Variants in DLEC1 observed in about 807,000 individuals in gnomAD.
The protein encoded by DLEC1 is DLEC1 cilia and flagella associated protein, also known as deleted in lung and esophageal cancer protein 1.
DLEC1 carries 146 observed loss-of-function variants against 198.1 expected under a neutral mutation model. The ratio of observed to expected loss-of-function variants is 0.74; its 90% confidence interval spans 0.64 to 0.85. The LOEUF is 0.85. DLEC1 is among the 40% of genes least tolerant of loss of function. The pLI is 0.00. For missense variants in DLEC1, 2,233 were observed against 2,220.0 expected, an observed-to-expected ratio of 1.01 and a Z score of -0.12; for synonymous variants, 897 against 866.8, an observed-to-expected ratio of 1.03 and a Z score of -0.61.
At chr3:38,067,213 G>A (rs888381438) in intron 6 of DLEC1, among the ~76,000 whole-genome samples, 3 of 152,294 alleles carry the variant, frequency 2.0e-5, no homozygotes, top group East Asian at 1.9e-4. Flanking sequence ...ACTATAAAGT[G>A]TAAGGATAAA....
chr3:38,084,589 A>T (rs953210984), intron 7 of DLEC1, among the ~76,000 whole-genome samples: 1 of 9,362 alleles, frequency 1.1e-4, no homozygotes, highest in African/African-American at 6.6e-4. Flanking sequence ...GGGGGGTGGT[A>T]GTAGTAGTAG....
intron 19 of DLEC1, among the ~76,000 whole-genome samples, chr3:38,106,798 A>AT (rs1311175063): frequency 6.6e-6 from 1 of 151,772 alleles, no homozygotes; most frequent in East Asian, 1.9e-4. Flanking sequence ...AACTAATTGA[A>AT]TTAGGCCCAT....
intron 2 of DLEC1, among the ~76,000 whole-genome samples, chr3:38,058,578 GTAAT>G (rs1696507170): frequency 6.6e-6 from 1 of 152,116 alleles, no homozygotes. Context: ...TTTTATCAAA[GTAAT>G]AAATATATAT....
chr3:38,114,963 T>A lies in DLEC1; in HGVS notation c.3786-20T>A, dbSNP rs2125737351. On this transcript the variant is annotated intron_variant, in intron 26 of 36. Transcript: ENST00000308059. ...GTACGCTGGCTGTGGCTGTACTGAG[T>A]CCAGTCTGTCCCCCTCCAGGTTCGG... is the stretch of plus-strand genomic sequence containing the variant. 6.2e-7 allele frequency: 1 copy of A among 1,611,282 alleles called. No homozygotes were observed. Among genetic ancestry groups the A allele is most frequent in the East Asian group, 2.2e-5 (1 of 44,822 alleles).
intron 2 of DLEC1, among the ~76,000 whole-genome samples, chr3:38,050,334 A>G (rs1307652673): frequency 1.3e-5 from 2 of 152,180 alleles, no homozygotes; most frequent in Non-Finnish European, 2.9e-5. Context: ...CTACTGGCTG[A>G]AGTTGTTAAT....
chr3:38,080,802 C>CTTT lies in DLEC1; in HGVS notation c.1174-3338_1174-3336dup, dbSNP rs76282097. On this transcript the variant is annotated intron_variant, in intron 6 of 36. Coordinates refer to ENST00000308059, the MANE Select transcript of DLEC1 (RefSeq NM_007335.4). ...CACGGAGGGAAGGGGTTCGGGTGTT[C>CTTT]TTTTTTTTTTTTTTTTTTTTAATTT... Among the ~76,000 whole-genome samples, 359 of 112,762 alleles carry CTTT rather than the reference C, an allele frequency of 3.2e-3. 2 individuals carry two copies. Among genetic ancestry groups the CTTT allele is most frequent in the African/African-American group, 9.9e-3 (290 of 29,370 alleles). The allele number at this position is 112,762 out of a possible 152,430, so 74.0% of individuals were successfully genotyped here. A position where few individuals can be genotyped will look rare whatever the true frequency, so the allele number is the denominator to read the frequency against.
intron 26 of DLEC1, among the ~76,000 whole-genome samples, chr3:38,114,661 G>T (rs1700056382): frequency 6.6e-6 from 1 of 152,112 alleles, no homozygotes; most frequent in Non-Finnish European, 1.5e-5. Context: ...CATCTCTGAG[G>T]GATTTTGTGG....
intron 17 of DLEC1, 22 bp downstream of exon 17, chr3:38,097,659 A>G: frequency 1.9e-6 from 3 of 1,614,134 alleles, no homozygotes; most frequent in Non-Finnish European, 1.7e-6. Flanking sequence ...GGAGCTGGGC[A>G]GTGGGGTGGG....
At chr3:38,107,498 T>C (rs1164566969) in intron 19 of DLEC1, 86 bp from the exon 20 acceptor site, 1 of 1,364,552 alleles carries the variant, frequency 7.3e-7, no homozygotes, top group African/African-American at 1.5e-5. Flanking sequence ...TGGGATTTTC[T>C]ACATAGACTG....
At position 38,039,646 on chromosome 3, in the gene DLEC1, C is replaced by A. The variant is rs376829865; in HGVS notation, c.411+10C>A. On this transcript the variant is annotated intron_variant, in intron 1 of 36. Coordinates refer to ENST00000308059, the MANE Select transcript of DLEC1 (RefSeq NM_007335.4). ...GGACCAGCTGCAGCAGGTAACGTGG[C>A]GGTGGCGTCGCGTCTGCGGACGGTG... 18 of 1,587,110 alleles carry A rather than the reference C, an allele frequency of 1.1e-5. No homozygotes were observed. The highest frequency in any genetic ancestry group is 3.4e-4 in the Middle Eastern group (2 of 5,934).
Position 38,122,546 on chromosome 3 carries a change from A to G in DLEC1, c.*134A>G, listed in dbSNP as rs1225642052. ...TCTGGGCAGCTCCTGGAATGGAAGA[A>G]CCCCCTTCCACAATGGTCTCAGCCT... On this transcript the variant is annotated 3_prime_UTR_variant, in exon 37 of 37. Transcript: ENST00000308059. 1.7e-5 allele frequency: 27 copies of G among 1,609,172 alleles called. No individual in the cohort carries two copies. The highest frequency in any genetic ancestry group is 2.2e-5 in the Non-Finnish European group (26 of 1,178,866).
At chr3:38,109,372 T>A in intron 21 of DLEC1, 60 bp from the exon 22 acceptor site, 1 of 1,604,438 alleles carries the variant, frequency 6.2e-7, no homozygotes, top group Non-Finnish European at 8.5e-7. Context: ...CGGAAGACCA[T>A]CTGGGCTCAT....
chr3:38,110,937 C>G (rs1559457820), intron 23 of DLEC1, among the ~76,000 whole-genome samples: 1 of 151,942 alleles, frequency 6.6e-6, no homozygotes. Context: ...TGCACACACA[C>G]ATATACATAA....
chr3:38,069,163 A>G (rs1001091352), intron 6 of DLEC1, among the ~76,000 whole-genome samples: 1 of 152,168 alleles, frequency 6.6e-6, no homozygotes, highest in Non-Finnish European at 1.5e-5. Flanking sequence ...AGAGGGCAGT[A>G]TTCTATTTTC....
rs775558337 is a variant in DLEC1, at chr3:38,116,839, CAT to C, written c.4130_4131del (p.His1377ArgfsTer38). 5 of 1,613,740 alleles carry C rather than the reference CAT, an allele frequency of 3.1e-6. No individual in the cohort carries two copies. Among genetic ancestry groups the C allele is most frequent in the Non-Finnish European group, 4.2e-6 (5 of 1,179,908 alleles). ...GCTCATCTCAGTCATCCTGCAGGCACATGAGGGGGTGCCCTCCGGCCACCTGT... is the reference window on the plus strand; with the variant it reads ...GCTCATCTCAGTCATCCTGCAGGCACGAGGGGGTGCCCTCCGGCCACCTGT... ...QKLISVILQA[H>X]EGVPSGHLYC... is the part of the protein sequence containing the mutation. On this transcript the variant is annotated frameshift_variant, in exon 29 of 37. Transcript: ENST00000308059. LOFTEE classifies it high-confidence loss of function.
intron 5 of DLEC1, among the ~76,000 whole-genome samples, chr3:38,063,513 G>T (rs1257495647): frequency 6.6e-6 from 1 of 151,894 alleles, no homozygotes; most frequent in African/African-American, 2.4e-5. Context: ...AGAAAGAAAA[G>T]AAAGAAAGAT....
At chr3:38,104,825 T>C (rs1699486717) in intron 19 of DLEC1, among the ~76,000 whole-genome samples, 1 of 152,196 alleles carries the variant, frequency 6.6e-6, no homozygotes, top group Admixed American at 6.5e-5. Flanking sequence ...ATTTCTGTCC[T>C]TCCACTTGCT....
chr3:38,119,839 G>A (rs199764536), intron 33 of DLEC1, among the ~76,000 whole-genome samples: 1 of 152,154 alleles, frequency 6.6e-6, no homozygotes, highest in East Asian at 1.9e-4. Context: ...CAGCAAATTA[G>A]TACCCTTGAC....
At chr3:38,040,468 A>G (rs1052155925) in intron 1 of DLEC1, among the ~76,000 whole-genome samples, 1 of 152,214 alleles carries the variant, frequency 6.6e-6, no homozygotes, top group Non-Finnish European at 1.5e-5. Context: ...ATAGACATTA[A>G]CAAAATGAAT....
Sources: gnomAD v4.1 joint callset for allele counts (sites outside exome capture counted in the v4.1 genomes callset) on GRCh38, gnomAD v4.1.1 for gene constraint, MANE v1.5 for transcripts, NCBI Gene and HGNC (gene_info 2026-07-23, HGNC 2026-07-21) for gene names.